CEP85: variants seen among roughly 807,000 people sequenced by gnomAD.
The protein encoded by CEP85 is centrosomal protein 85.
In CEP85, 58 loss-of-function variants were observed where a neutral mutation model predicts 93.7. The ratio of observed to expected loss-of-function variants is 0.62; its 90% CI spans 0.50 to 0.77. CEP85 has a LOEUF of 0.77. Ranked by LOEUF, CEP85 falls within the 30% of genes least tolerant of loss-of-function variation. The pLI is 0.00. For missense variants in CEP85, 868 were observed against 922.0 expected (o/e 0.94, Z 0.76); for synonymous variants, 314 against 338.6 (o/e 0.93, Z 0.80).
At chr1:26,245,120 C>A (rs2089489070) in intron 3 of CEP85, among the ~76,000 whole-genome samples, 1 of 151,656 alleles carries the variant, frequency 6.6e-6, no homozygotes, top group African/African-American at 2.4e-5. Flanking sequence ...ATCATGCTCA[C>A]TGCAGCCGTA....
chr1:26,240,818 A>T (rs2089409792), intron 2 of CEP85, among the ~76,000 whole-genome samples: 3 of 152,060 alleles, frequency 2.0e-5, no homozygotes, highest in African/African-American at 7.3e-5. Flanking sequence ...GAATCACTTG[A>T]ACACGGGAAG....
At chr1:26,266,070 G>A (rs1490458365) in intron 7 of CEP85, among the ~76,000 whole-genome samples, 2 of 151,970 alleles carry the variant, frequency 1.3e-5, no homozygotes, top group Non-Finnish European at 2.9e-5. Flanking sequence ...TTAGCTGGGC[G>A]TGGTGGTGGA....
chr1:26,272,215 G>A, intron 11 of CEP85, 144 bp downstream of exon 11: 1 of 770,346 alleles, frequency 1.3e-6, no homozygotes, highest in Non-Finnish European at 2.2e-6. Context: ...GTGCTTTTGA[G>A]CCTTGCTGAG....
rs1374141766 is a variant in CEP85 at position 26,259,665 on chromosome 1, A to C, written c.1204A>C (p.Thr402Pro). 10 of 1,613,704 alleles carry C rather than the reference A, an allele frequency of 6.2e-6. No homozygotes were observed. The highest frequency in any genetic ancestry group is 8.5e-6 in the Non-Finnish European group (10 of 1,179,884). The change falls in exon 7 of 14, where the codon ACA becomes CCA. Residue 402 changes from threonine (T) to proline (P), a missense_variant. Coordinates refer to ENST00000451429, the MANE Select transcript of CEP85 (RefSeq NM_001319944.2). ...TFLRAQFAQKTEALSREKIDL... is the reference protein window; with the variant it reads ...TFLRAQFAQKPEALSREKIDL... The stretch of plus-strand genomic sequence containing the variant: ...CTTACGTGCACAGTTTGCACAGAAG[A>C]CAGAAGCCTTGAGCAGAGAAAAGAT...
intron 1 of CEP85, among the ~76,000 whole-genome samples, chr1:26,235,668 G>A (rs1199730104): frequency 1.4e-5 from 2 of 147,554 alleles, no homozygotes; most frequent in South Asian, 4.2e-4. Flanking sequence ...CGCCTCCCAG[G>A]TTCAAGCGAT....
intron 10 of CEP85, chr1:26,271,412 C>G: frequency 4.0e-6 from 1 of 248,046 alleles, no homozygotes; most frequent in East Asian, 9.9e-5. Context: ...ATTCATGGCT[C>G]AGGCCCATAC....
At chr1:26,258,894 C>A (rs1248480931) in intron 6 of CEP85, among the ~76,000 whole-genome samples, 1 of 152,092 alleles carries the variant, frequency 6.6e-6, no homozygotes, top group Admixed American at 6.6e-5. Context: ...TGCACCCGGG[C>A]ATTCTCATTT....
intron 7 of CEP85, among the ~76,000 whole-genome samples, chr1:26,261,481 AAAAG>A (rs778053133): frequency 7.2e-5 from 11 of 152,140 alleles, no homozygotes; most frequent in Non-Finnish European, 1.3e-4. Context: ...TCAAAAAAAT[AAAAG>A]AAAGTTGGGT....
intron 3 of CEP85, among the ~76,000 whole-genome samples, chr1:26,249,554 G>A (rs1286431259): frequency 2.0e-5 from 3 of 152,122 alleles, no homozygotes; most frequent in African/African-American, 7.2e-5. Flanking sequence ...GATTCTCGAG[G>A]GACAGAGTAG....
At chr1:26,257,948 G>T (rs185581766) in intron 5 of CEP85, among the ~76,000 whole-genome samples, 195 bp from the exon 6 acceptor site, 3 of 152,240 alleles carry the variant, frequency 2.0e-5, no homozygotes, top group Admixed American at 2.0e-4. Context: ...AGTGCCTAAG[G>T]GGGTAGCCAG....
At chr1:26,235,564 A>ATTTTTTTTTTTTTTTT (rs1185542130) in intron 1 of CEP85, among the ~76,000 whole-genome samples, 4 of 69,548 alleles carry the variant, frequency 5.8e-5, no homozygotes, top group African/African-American at 1.7e-4. Flanking sequence ...TTAGATTGTA[A>ATTTTTTTTTTTTTTTT]TTCTTTTTTT....
chr1:26,239,964 T>C (rs2089396570), intron 2 of CEP85, 126 bp downstream of exon 2: 2 of 699,942 alleles, frequency 2.9e-6, no homozygotes, highest in Non-Finnish European at 5.0e-6. Context: ...AAAAATAACA[T>C]GGGGCTTCAT....
intron 2 of CEP85, among the ~76,000 whole-genome samples, chr1:26,241,332 T>A (rs2089422074): frequency 7.0e-6 from 1 of 142,052 alleles, no homozygotes; most frequent in Non-Finnish European, 1.5e-5. Flanking sequence ...AAGCTCCGCT[T>A]CCCGGGTTCA....
At chr1:26,266,536 C>T (rs1280856689) in intron 7 of CEP85, among the ~76,000 whole-genome samples, 1 of 152,078 alleles carries the variant, frequency 6.6e-6, no homozygotes, top group African/African-American at 2.4e-5. Flanking sequence ...AGTAAGCTTC[C>T]CAGGTGATTC....
chr1:26,278,578 T>C lies in CEP85; in HGVS notation c.*1285T>C, dbSNP rs8564. 24,894 of 152,584 alleles carry C rather than the reference T, an allele frequency of 0.16. 2,141 individuals are homozygous for C. Among genetic ancestry groups the C allele is most frequent in the Middle Eastern group, 0.19 (57 of 294 alleles). The allele number at this position is 152,584 out of a possible 1,614,324, so 9.5% of individuals were successfully genotyped here. Reference sequence around the variant, plus strand: ...TGTGTTTTATTTATGGAGTGACTTATCCCTTCCATTCAGAGCAGCCCCACC... The same window carrying C: ...TGTGTTTTATTTATGGAGTGACTTACCCCTTCCATTCAGAGCAGCCCCACC... On this transcript the variant is annotated 3_prime_UTR_variant, in exon 14 of 14. Transcript: ENST00000451429.
At chr1:26,260,301 G>A (rs1427889010) in intron 7 of CEP85, among the ~76,000 whole-genome samples, 1 of 152,156 alleles carries the variant, frequency 6.6e-6, no homozygotes, top group South Asian at 2.1e-4. Context: ...GACCAGCCTG[G>A]CCAACATGGT....
intron 2 of CEP85, 115 bp downstream of exon 2, chr1:26,239,953 TA>T: frequency 2.6e-6 from 2 of 755,376 alleles, no homozygotes; most frequent in Non-Finnish European, 4.5e-6. Context: ...GCTAAAAGAA[TA>T]AAAATAACAT....
At chr1:26,248,722 CTTTTTTTTTTTTTTTTTTT>C (rs573449499) in intron 3 of CEP85, among the ~76,000 whole-genome samples, 1 of 56,212 alleles carries the variant, frequency 1.8e-5, no homozygotes, top group African/African-American at 8.1e-5. Context: ...GTCTTGAACT[CTTTTTTTTTTTTTTTTTTT>C]TTTGAGACCG....
At chr1:26,248,884 G>A (rs1040697380) in intron 3 of CEP85, among the ~76,000 whole-genome samples, 1 of 150,794 alleles carries the variant, frequency 6.6e-6, no homozygotes, top group Non-Finnish European at 1.5e-5. Context: ...CCGCCACTAC[G>A]CCCGGCTAAT....
Sources: gnomAD v4.1 joint callset for allele counts (sites outside exome capture counted in the v4.1 genomes callset) on GRCh38, gnomAD v4.1.1 for gene constraint, MANE v1.5 for transcripts, NCBI Gene and HGNC (gene_info 2026-07-23, HGNC 2026-07-21) for gene names.